KHDRBS2: variants seen among roughly 807,000 people sequenced by gnomAD.
KHDRBS2 encodes the protein KH RNA binding domain containing, signal transduction associated 2.
KHDRBS2 carries 26 observed loss-of-function variants against 44.3 expected under a neutral mutation model. The observed-to-expected ratio is 0.59, with a 90% confidence interval of 0.43 to 0.81. The LOEUF is 0.81. Among genes scored for constraint, KHDRBS2 ranks in the 40% least tolerant of loss-of-function variants. The probability of loss-of-function intolerance (pLI) is 0.00; values close to 1 mark genes in which losing one functional copy is unlikely to be tolerated. For synonymous variants in KHDRBS2, 194 were observed against 151.1 expected, an observed-to-expected ratio of 1.28 and a Z score of -2.08; for missense variants, 476 against 433.1, an observed-to-expected ratio of 1.10 and a Z score of -0.88.
At chr6:62,186,727 G>A (rs1018435735) in intron 1 of KHDRBS2, among the ~76,000 whole-genome samples, 1 of 151,838 alleles carries the variant, frequency 6.6e-6, no homozygotes, top group Admixed American at 6.6e-5. Context: ...ATTAAGCAGT[G>A]GTACCTCACA....
At chr6:62,056,658 A>G (rs531111715) in intron 2 of KHDRBS2, among the ~76,000 whole-genome samples, 1 of 152,114 alleles carries the variant, frequency 6.6e-6, no homozygotes, top group East Asian at 2.0e-4. Context: ...AAGTTGAGTT[A>G]AATGTCACTG....
At chr6:62,263,202 A>T (rs1361026571) in intron 1 of KHDRBS2, among the ~76,000 whole-genome samples, 1 of 151,728 alleles carries the variant, frequency 6.6e-6, no homozygotes, top group Non-Finnish European at 1.5e-5. Context: ...ATTCAGTGCT[A>T]TGAAATTTTC....
chr6:62,006,608 G>A (rs995039136), intron 3 of KHDRBS2, among the ~76,000 whole-genome samples: 1 of 151,832 alleles, frequency 6.6e-6, no homozygotes, highest in South Asian at 2.1e-4. Context: ...CAATAATAAA[G>A]TATCTTCAAT....
At chr6:61,602,202 T>A in the KHDRBS2 span, among the ~76,000 whole-genome samples, 3,717 of 152,292 alleles carry the variant, frequency 0.024, 71 homozygotes, top group Middle Eastern at 0.086. Flanking sequence ...GCCTTCAAGA[T>A]GTACAGTAAT....
downstream of KHDRBS2, among the ~76,000 whole-genome samples, chr6:61,675,222 A>G (rs1459657523): frequency 6.6e-6 from 1 of 151,808 alleles, no homozygotes; most frequent in African/African-American, 2.4e-5. Context: ...ATACTAGTCT[A>G]TATATTTTCA....
chr6:61,973,204 C>T (rs886745289), intron 4 of KHDRBS2, among the ~76,000 whole-genome samples: 1 of 152,098 alleles, frequency 6.6e-6, no homozygotes, highest in African/African-American at 2.4e-5. Flanking sequence ...ATTTCAGGGA[C>T]ACATTTTTAT....
rs115962982 is a variant in KHDRBS2, at chr6:62,250,326, G to A, written c.91+35532C>T. Among the ~76,000 whole-genome samples the A allele has an allele frequency of 2.5e-3, 385 of 152,100 alleles. 3 individuals are homozygous for A. The highest frequency in any genetic ancestry group is 8.5e-3 in the African/African-American group (352 of 41,506). ...AATGACAAACTTTAGTACACAACTC[G>A]CTTTGACTGATCTAAGTTAAAGTGT... On this transcript the variant is annotated intron_variant, in intron 1 of 8. Coordinates refer to ENST00000281156, the MANE Select transcript of KHDRBS2 (RefSeq NM_152688.4).
chr6:61,863,996 A>T (rs1797413451), intron 6 of KHDRBS2, among the ~76,000 whole-genome samples: 1 of 152,102 alleles, frequency 6.6e-6, no homozygotes, highest in Non-Finnish European at 1.5e-5. Context: ...TATATTTAAG[A>T]TAGTTAGGTT....
At chr6:62,136,055 A>T (rs1638387251) in intron 2 of KHDRBS2, among the ~76,000 whole-genome samples, 1 of 151,194 alleles carries the variant, frequency 6.6e-6, no homozygotes, top group South Asian at 2.1e-4. Context: ...AGGTATTCTC[A>T]CCACAAAAAA....
intron 8 of KHDRBS2, among the ~76,000 whole-genome samples, chr6:61,696,638 T>C (rs1435586192): frequency 6.6e-6 from 1 of 152,164 alleles, no homozygotes; most frequent in Non-Finnish European, 1.5e-5. Flanking sequence ...CAATAGATCT[T>C]AACTGAGTAT....
the KHDRBS2 span, among the ~76,000 whole-genome samples, chr6:61,628,382 C>T: frequency 2.0e-5 from 3 of 152,046 alleles, no homozygotes; most frequent in African/African-American, 7.2e-5. Flanking sequence ...GTACCCACTG[C>T]AACATCTCTC....
the KHDRBS2 span, among the ~76,000 whole-genome samples, chr6:61,586,445 G>A: frequency 6.6e-6 from 1 of 152,166 alleles, no homozygotes; most frequent in African/African-American, 2.4e-5. Context: ...CTTTCTCTAA[G>A]GAAACTCCCT....
At chr6:62,208,125 T>C (rs1288016824) in intron 1 of KHDRBS2, among the ~76,000 whole-genome samples, 1 of 152,164 alleles carries the variant, frequency 6.6e-6, no homozygotes, top group Admixed American at 6.6e-5. Context: ...AGAAGTGAGA[T>C]CAGGTAATAT....
intron 6 of KHDRBS2, among the ~76,000 whole-genome samples, chr6:61,818,266 TAAA>T (rs60399147): frequency 3.4e-3 from 388 of 114,440 alleles, no homozygotes; most frequent in East Asian, 0.012. Context: ...CCTCTGTAAG[TAAA>T]AAAAAAAAAA....
chr6:62,263,751 T>C (rs1277968285), intron 1 of KHDRBS2, among the ~76,000 whole-genome samples: 5 of 151,762 alleles, frequency 3.3e-5, no homozygotes, highest in Non-Finnish European at 7.4e-5. Context: ...TTCAATAATT[T>C]ATAAAAATGT....
intron 6 of KHDRBS2, among the ~76,000 whole-genome samples, chr6:61,888,465 A>T (rs2127324971): frequency 6.6e-6 from 1 of 152,336 alleles, no homozygotes; most frequent in South Asian, 2.1e-4. Context: ...AGAAGCCAAA[A>T]AAATATCCAG....
At chr6:61,651,934 A>T in the KHDRBS2 span, among the ~76,000 whole-genome samples, 1 of 152,108 alleles carries the variant, frequency 6.6e-6, no homozygotes, top group Non-Finnish European at 1.5e-5. Flanking sequence ...TGTAATATTC[A>T]TAGATTTCAT....
chr6:61,991,220 T>G (rs1776085146), intron 3 of KHDRBS2, among the ~76,000 whole-genome samples: 1 of 152,188 alleles, frequency 6.6e-6, no homozygotes, highest in South Asian at 2.1e-4. Flanking sequence ...TTCTAAGAAG[T>G]CTCAATAGCC....
intron 2 of KHDRBS2, among the ~76,000 whole-genome samples, chr6:62,076,089 A>T (rs1349110171): frequency 1.3e-5 from 2 of 151,910 alleles, no homozygotes; most frequent in African/African-American, 4.8e-5. Context: ...AAATTAACTC[A>T]AATATCTATA....
Sources: gnomAD v4.1 joint callset for allele counts (sites outside exome capture counted in the v4.1 genomes callset) on GRCh38, gnomAD v4.1.1 for gene constraint, MANE v1.5 for transcripts, NCBI Gene and HGNC (gene_info 2026-07-23, HGNC 2026-07-21) for gene names.